Variants in RCAN2 observed in about 807,000 individuals in gnomAD.
RCAN2 encodes the protein regulator of calcineurin 2.
In RCAN2, 9 loss-of-function variants were observed where a neutral mutation model predicts 23.6. The observed-to-expected ratio is 0.38, with a 90% CI of 0.23 to 0.67. The LOEUF (loss-of-function observed/expected upper bound fraction) is 0.67. Ranked by LOEUF, RCAN2 falls within the 30% of genes least tolerant of loss-of-function variation. The pLI is 0.51. For missense variants in RCAN2, 273 were observed against 302.3 expected (o/e 0.90, Z 0.72); for synonymous variants, 109 against 115.7 (o/e 0.94, Z 0.37).
At chr6:46,311,841 T>C (rs947693428) in intron 2 of RCAN2, among the ~76,000 whole-genome samples, 11 of 152,202 alleles carry the variant, frequency 7.2e-5, no homozygotes, top group Non-Finnish European at 1.3e-4. Flanking sequence ...GAGATTGTTA[T>C]GTGTCTCCCA....
At chr6:46,232,410 G>C (rs1183175024) in intron 4 of RCAN2, among the ~76,000 whole-genome samples, 2 of 152,164 alleles carry the variant, frequency 1.3e-5, no homozygotes, top group South Asian at 2.1e-4. Flanking sequence ...TGTATCAAAG[G>C]CTCTGGGTCA....
At chr6:46,434,226 T>C (rs976314699) in intron 2 of RCAN2, among the ~76,000 whole-genome samples, 1 of 152,212 alleles carries the variant, frequency 6.6e-6, no homozygotes, top group African/African-American at 2.4e-5. Flanking sequence ...AGCCTAACCA[T>C]CTGGGTAACC....
chr6:46,330,489 T>C (rs1257931978), intron 2 of RCAN2, among the ~76,000 whole-genome samples: 1 of 152,222 alleles, frequency 6.6e-6, no homozygotes, highest in East Asian at 1.9e-4. Context: ...GATTCCTCTT[T>C]TGAAATCACA....
At chr6:46,405,955 G>A (rs1050667899) in intron 2 of RCAN2, among the ~76,000 whole-genome samples, 2 of 152,214 alleles carry the variant, frequency 1.3e-5, no homozygotes, top group African/African-American at 4.8e-5. Flanking sequence ...GCACAGCGCC[G>A]GTGGGTTGGC....
At chr6:46,412,928 T>C (rs1034860496) in intron 2 of RCAN2, among the ~76,000 whole-genome samples, 1 of 152,206 alleles carries the variant, frequency 6.6e-6, no homozygotes, top group Non-Finnish European at 1.5e-5. Context: ...GACTTTCTAA[T>C]TCACTTAGAG....
At chr6:46,352,617 A>C (rs1447354820) in intron 2 of RCAN2, among the ~76,000 whole-genome samples, 1 of 152,190 alleles carries the variant, frequency 6.6e-6, no homozygotes, top group African/African-American at 2.4e-5. Context: ...AGGTAGAAAG[A>C]ATATTTTCAA....
intron 2 of RCAN2, among the ~76,000 whole-genome samples, chr6:46,330,768 C>A (rs1763941479): frequency 6.6e-6 from 1 of 152,016 alleles, no homozygotes; most frequent in Non-Finnish European, 1.5e-5. Context: ...TAATTCCTTG[C>A]AGTTTGTTGG....
At chr6:46,300,400 G>A (rs1169210677) in intron 2 of RCAN2, among the ~76,000 whole-genome samples, 2 of 151,872 alleles carry the variant, frequency 1.3e-5, no homozygotes, top group Non-Finnish European at 2.9e-5. Context: ...ATCATAAAAG[G>A]ATGGAGTGAC....
intron 2 of RCAN2, among the ~76,000 whole-genome samples, chr6:46,431,062 A>G (rs1393555179): frequency 2.0e-5 from 3 of 152,160 alleles, no homozygotes; most frequent in Non-Finnish European, 4.4e-5. Context: ...TTTCTGCTGG[A>G]AAGTTCAAGC....
At position 46,491,281 on chromosome 6, in the gene RCAN2, G is replaced by T; in HGVS notation, c.-111C>A. 6.6e-6 allele frequency: 1 copy of T among 151,136 alleles called. No individual in the cohort carries two copies. The highest frequency in any genetic ancestry group is 2.0e-4 in the South Asian group (1 of 4,998). 9.4% of individuals were successfully genotyped at this position (151,136 alleles called of 1,614,324 possible). A position where few individuals can be genotyped will look rare whatever the true frequency, so the allele number is the denominator to read the frequency against. On this transcript the variant is annotated 5_prime_UTR_variant, in exon 1 of 5. Coordinates refer to ENST00000371374, the MANE Select transcript of RCAN2 (RefSeq NM_001251974.2). ...GGCGCTGCCTGCTCACCTGCCCGCC[G>T]GTGCGAGCGCGTGGGGGCGGCGCGG... is the stretch of plus-strand genomic sequence containing the variant.
intron 2 of RCAN2, among the ~76,000 whole-genome samples, chr6:46,271,957 A>C (rs1244094144): frequency 1.3e-5 from 2 of 152,230 alleles, no homozygotes; most frequent in African/African-American, 4.8e-5. Context: ...GTGCTGTAGT[A>C]ATTGGGCCAA....
At chr6:46,365,336 C>T (rs1160005294) in intron 2 of RCAN2, among the ~76,000 whole-genome samples, 1 of 151,846 alleles carries the variant, frequency 6.6e-6, no homozygotes, top group Admixed American at 6.6e-5. Context: ...ATTAGCTGGG[C>T]GTGGTGGTGG....
chr6:46,380,221 A>G (rs1964149587), intron 2 of RCAN2, among the ~76,000 whole-genome samples: 1 of 152,216 alleles, frequency 6.6e-6, no homozygotes, highest in Non-Finnish European at 1.5e-5. Context: ...GGAAACCCCT[A>G]TAACACAACA....
intron 4 of RCAN2, among the ~76,000 whole-genome samples, chr6:46,245,998 G>A (rs1011460878): frequency 6.6e-6 from 1 of 152,142 alleles, no homozygotes; most frequent in African/African-American, 2.4e-5. Flanking sequence ...TGCTGAAATT[G>A]AGGGCAGTAT....
intron 2 of RCAN2, among the ~76,000 whole-genome samples, chr6:46,456,240 T>C (rs1768026146): frequency 6.6e-6 from 1 of 152,208 alleles, no homozygotes; most frequent in East Asian, 1.9e-4. Flanking sequence ...ATGGTATCAA[T>C]GAGCAAAGAA....
chr6:46,302,986 A>G (rs1762953303), intron 2 of RCAN2, among the ~76,000 whole-genome samples: 1 of 151,966 alleles, frequency 6.6e-6, no homozygotes, highest in African/African-American at 2.4e-5. Context: ...ACCACTGCAT[A>G]TACTGTTGGA....
rs142122139 is a variant in RCAN2 at position 46,280,477 on chromosome 6, C to CCA, written c.226-31583_226-31582dup. Among the ~76,000 whole-genome samples, 713 of 149,642 alleles carry CCA rather than the reference C, an allele frequency of 4.8e-3. 2 individuals carry two copies. Among genetic ancestry groups the CCA allele is most frequent in the Middle Eastern group, 0.01 (3 of 288 alleles). On this transcript the variant is annotated intron_variant, in intron 2 of 4. Transcript: ENST00000371374. ...AAGGATGAACACTCAGATTAGAAGA[C>CCA]CACACACACACACACACACAAAAGC...
chr6:46,246,599 A>C, intron 4 of RCAN2, 149 bp downstream of exon 4: 1 of 680,468 alleles, frequency 1.5e-6, no homozygotes, highest in Non-Finnish European at 2.4e-6. Flanking sequence ...ATTCTCATCC[A>C]TCATTCCCTC....
At chr6:46,338,589 T>C (rs1281442628) in intron 2 of RCAN2, among the ~76,000 whole-genome samples, 1 of 152,218 alleles carries the variant, frequency 6.6e-6, no homozygotes, top group Non-Finnish European at 1.5e-5. Flanking sequence ...AAAAGTCTGT[T>C]ATCAGCCTCC....
Sources: allele counts gnomAD v4.1 joint callset (sites outside exome capture counted in the v4.1 genomes callset), GRCh38; gene constraint gnomAD v4.1.1; transcripts MANE v1.5; gene names NCBI Gene and HGNC (gene_info 2026-07-23, HGNC 2026-07-21).